The following PCLO variants were observed in gnomAD, a reference collection of about 807,000 sequenced individuals.
The protein encoded by PCLO is piccolo presynaptic cytomatrix protein, also known as protein piccolo.
PCLO carries 82 observed loss-of-function variants against 427.5 expected under a neutral mutation model. The observed-to-expected ratio is 0.19, with a 90% CI of 0.16 to 0.23. PCLO has a LOEUF of 0.23. Ranked by LOEUF, PCLO falls within the 10% of genes least tolerant of loss-of-function variation. The pLI, the probability that PCLO is intolerant of heterozygous loss-of-function variation, is 1.00. For synonymous variants in PCLO, 2,357 were observed against 2,155.4 expected, an observed-to-expected ratio of 1.09 and a Z score of -2.59; for missense variants, 6,239 against 6,115.9, an observed-to-expected ratio of 1.02 and a Z score of -0.67.
intron 9 of PCLO, among the ~76,000 whole-genome samples, chr7:82,881,257 G>A (rs1351950693): frequency 6.6e-6 from 1 of 152,084 alleles, no homozygotes; most frequent in African/African-American, 2.4e-5. Context: ...TCTATTCATT[G>A]GCATGAAGGA....
chr7:82,873,139 G>A (rs1793278249), intron 10 of PCLO, among the ~76,000 whole-genome samples: 1 of 149,440 alleles, frequency 6.7e-6, no homozygotes, highest in Non-Finnish European at 1.5e-5. Flanking sequence ...CAATGAAACA[G>A]TATGATAGGT....
intron 3 of PCLO, among the ~76,000 whole-genome samples, chr7:83,037,990 T>C (rs1197013278): frequency 1.2e-3 from 4 of 3,342 alleles, no homozygotes; most frequent in South Asian, 0.016. Flanking sequence ...AGGAGGAGCT[T>C]ATATATATAT....
At chr7:82,870,595 C>T (rs1186425138) in intron 10 of PCLO, among the ~76,000 whole-genome samples, 2 of 151,852 alleles carry the variant, frequency 1.3e-5, no homozygotes, top group East Asian at 1.9e-4. Context: ...AATGGGATTA[C>T]GTCAACCTAA....
At chr7:83,152,815 C>A (rs1348925642) in intron 2 of PCLO, among the ~76,000 whole-genome samples, 1 of 152,150 alleles carries the variant, frequency 6.6e-6, no homozygotes. Context: ...AATCTGGTCA[C>A]ATATATTATA....
intron 3 of PCLO, among the ~76,000 whole-genome samples, chr7:83,066,023 T>A (rs1682804907): frequency 6.6e-6 from 1 of 152,110 alleles, no homozygotes; most frequent in Non-Finnish European, 1.5e-5. Context: ...ACAGGACTAG[T>A]AAAGGGAATG....
intron 9 of PCLO, among the ~76,000 whole-genome samples, chr7:82,902,121 G>A (rs989965106): frequency 1.3e-5 from 2 of 151,870 alleles, no homozygotes; most frequent in Admixed American, 6.6e-5. Flanking sequence ...AAAGACACAT[G>A]CACACGTATG....
At chr7:83,060,716 G>T (rs1463428980) in intron 3 of PCLO, among the ~76,000 whole-genome samples, 1 of 152,180 alleles carries the variant, frequency 6.6e-6, no homozygotes, top group Non-Finnish European at 1.5e-5. Flanking sequence ...ATAGGGTGGG[G>T]TGGCTACAGC....
chr7:82,945,375 T>C (rs533992947), intron 6 of PCLO, among the ~76,000 whole-genome samples: 18 of 151,524 alleles, frequency 1.2e-4, no homozygotes, highest in South Asian at 4.1e-4. Context: ...CTTGGATATA[T>C]TTTATGGGTC....
intron 3 of PCLO, among the ~76,000 whole-genome samples, chr7:83,065,069 A>C (rs2116329360): frequency 6.6e-6 from 1 of 151,986 alleles, no homozygotes; most frequent in East Asian, 1.9e-4. Flanking sequence ...AAAAAAAAAA[A>C]AAGAGAGACT....
chr7:83,127,042 C>T (rs1422939821), intron 3 of PCLO, among the ~76,000 whole-genome samples: 1 of 151,976 alleles, frequency 6.6e-6, no homozygotes, highest in African/African-American at 2.4e-5. Context: ...CTTAAAAATA[C>T]AATGTAAATT....
chr7:83,030,457 A>T (rs1788639111), intron 3 of PCLO, among the ~76,000 whole-genome samples: 1 of 152,188 alleles, frequency 6.6e-6, no homozygotes, highest in African/African-American at 2.4e-5. Flanking sequence ...GTGTCTTCTA[A>T]AAACAATAGT....
intron 8 of PCLO, among the ~76,000 whole-genome samples, chr7:82,905,927 T>C (rs569980389): frequency 6.6e-6 from 1 of 151,776 alleles, no homozygotes; most frequent in Non-Finnish European, 1.5e-5. Context: ...AAAGTAAAAT[T>C]AAAAAATAAG....
intron 6 of PCLO, among the ~76,000 whole-genome samples, chr7:82,939,331 G>A (rs1795026085): frequency 6.6e-6 from 1 of 151,968 alleles, no homozygotes; most frequent in African/African-American, 2.4e-5. Context: ...AAAAGCCATG[G>A]TAAATGACAA....
At chr7:82,974,543 T>C (rs1359871519) in intron 3 of PCLO, among the ~76,000 whole-genome samples, 1 of 152,178 alleles carries the variant, frequency 6.6e-6, no homozygotes, top group Non-Finnish European at 1.5e-5. Flanking sequence ...TTAGCGGAAA[T>C]ATAAGACTTA....
chr7:82,843,279 T>C (rs994965342), intron 13 of PCLO, among the ~76,000 whole-genome samples: 1 of 152,172 alleles, frequency 6.6e-6, no homozygotes, highest in Non-Finnish European at 1.5e-5. Context: ...AAGGACATTA[T>C]GTTAAGTGGA....
chr7:83,124,058 C>CACAA (rs1791359425), intron 3 of PCLO, among the ~76,000 whole-genome samples: 1 of 148,576 alleles, frequency 6.7e-6, no homozygotes, highest in African/African-American at 2.5e-5. Context: ...CCTGTAATCT[C>CACAA]AGTACTTCAG....
rs972586579 is a variant in PCLO at position 83,044,136 on chromosome 7, G to A, written c.3301-77649C>T. ...CAGGGCACACCTTATGTGGTGGCAG[G>A]GGAGAGACAGCAAGGGAAACTGCCA... On this transcript the variant is annotated intron_variant, in intron 3 of 24. Transcript: ENST00000333891. Among the ~76,000 whole-genome samples, 139 of 152,044 alleles carry A rather than the reference G, an allele frequency of 9.1e-4. 1 individual carries two copies. Among genetic ancestry groups the A allele is most frequent in the African/African-American group, 3.0e-3 (126 of 41,470 alleles).
At chr7:82,809,799 T>C (rs1285813041) in intron 20 of PCLO, among the ~76,000 whole-genome samples, 1 of 151,614 alleles carries the variant, frequency 6.6e-6, no homozygotes, top group Non-Finnish European at 1.5e-5. Context: ...TCATTTTTTT[T>C]AGCTTTTAAA....
intron 2 of PCLO, among the ~76,000 whole-genome samples, chr7:83,151,519 G>A (rs909671554): frequency 6.6e-6 from 1 of 152,138 alleles, no homozygotes; most frequent in Admixed American, 6.5e-5. Context: ...AGTGTAAATG[G>A]CTTGTCCAAG....
Sources: allele counts gnomAD v4.1 joint callset (sites outside exome capture counted in the v4.1 genomes callset), GRCh38; gene constraint gnomAD v4.1.1; transcripts MANE v1.5; gene names NCBI Gene and HGNC (gene_info 2026-07-23, HGNC 2026-07-21).